The following FCN1 variants were observed in gnomAD, a reference collection of about 807,000 sequenced individuals.
FCN1 encodes ficolin 1.
Under a neutral mutation model 35.6 loss-of-function variants are expected in FCN1, and 42 were observed. That is an observed-to-expected ratio of 1.18 (90% CI 0.92 to 1.53). FCN1 has a LOEUF of 1.53. Among genes scored for constraint, FCN1 ranks in the 40% most tolerant of loss-of-function variants. The pLI is 0.00. For missense variants in FCN1, 439 were observed against 428.4 expected (o/e 1.02, Z -0.22); for synonymous variants, 179 against 169.8 (o/e 1.05, Z -0.42).
intron 5 of FCN1, 51 bp from the exon 6 acceptor site, chr9:134,913,194 C>CA: frequency 6.2e-7 from 1 of 1,609,016 alleles, no homozygotes; most frequent in Non-Finnish European, 8.5e-7. Context: ...CTGGGCAGGA[C>CA]AGGGGCAGTG....
chr9:134,911,314 C>T, intron 7 of FCN1, 47 bp from the exon 8 acceptor site: 3 of 1,578,878 alleles, frequency 1.9e-6, no homozygotes, highest in Non-Finnish European at 2.6e-6. Flanking sequence ...ATCTTTCTGT[C>T]ACCAGGCATG....
At position 134,913,153 on chromosome 9, in the gene FCN1, G is replaced by T. The variant is rs886787032; in HGVS notation, c.341-10C>A. 6.2e-7 allele frequency: 1 copy of T among 1,613,416 alleles called. No individual in the cohort carries two copies. The highest frequency in any genetic ancestry group is 1.3e-5 in the African/African-American group (1 of 74,934). On this transcript the variant is annotated splice_polypyrimidine_tract_variant and intron_variant, in intron 5 of 8. Coordinates refer to ENST00000371806, the MANE Select transcript of FCN1 (RefSeq NM_002003.5). The stretch of plus-strand genomic sequence containing the variant: ...TTGCAGTTGCGTGGGCCTGGGAAGG[G>T]AACCCGGGGAATGGCTGCAGGACGG...
rs746839999 is a variant in FCN1, at chr9:134,912,546, C to T, written c.538G>A (p.Gly180Ser). ...AGCCAGAACTCCCCCAGCTGACTGCCGAAGCCCTGCTTGTATGCGGCCCAG... is the reference window on the plus strand; with the variant it reads ...AGCCAGAACTCCCCCAGCTGACTGCTGAAGCCCTGCTTGTATGCGGCCCAG... ...RDWAAYKQGF[G>S]SQLGEFWLGN... The change falls in exon 7 of 9, where the codon GGC becomes AGC. Residue 180 changes from glycine (G) to serine (S), a missense_variant. Gly to Ser is a moderately conservative substitution (Grantham distance 56, BLOSUM62 0). Transcript: ENST00000371806. 7 of 1,613,958 alleles carry T rather than the reference C, an allele frequency of 4.3e-6. No homozygotes were observed. Among genetic ancestry groups the T allele is most frequent in the South Asian group, 3.3e-5 (3 of 91,088 alleles).
chr9:134,917,270 G>A lies in FCN1; in HGVS notation c.103+499C>T, dbSNP rs146530745. Among the ~76,000 whole-genome samples the A allele has an allele frequency of 4.6e-5, 7 of 152,292 alleles. No homozygotes were observed. The East Asian group carries it at 9.7e-4, about 21-fold the overall frequency. On this transcript the variant is annotated intron_variant, in intron 1 of 8. Coordinates refer to ENST00000371806, the MANE Select transcript of FCN1 (RefSeq NM_002003.5). ...GTCCTTAGGAGCAGTCTCTTGCTGA[G>A]CGTCACAGAACCACCTGCTCCTGAA...
intron 5 of FCN1, 112 bp from the exon 6 acceptor site, chr9:134,913,255 G>A (rs1031728730): frequency 7.4e-5 from 105 of 1,415,734 alleles, no homozygotes; most frequent in South Asian, 7.4e-4. Context: ...TGTGCGGACC[G>A]AGCAGGACTC....
chr9:134,911,381 G>C lies in FCN1; in HGVS notation c.599-114C>G. 3 of 910,616 alleles carry C rather than the reference G, an allele frequency of 3.3e-6. No homozygotes were observed. The South Asian group carries it at 4.9e-5, about 15-fold the overall frequency. The allele number at this position is 910,616 out of a possible 1,614,324, so 56.4% of individuals were successfully genotyped here. A position where few individuals can be genotyped will look rare whatever the true frequency, so the allele number is the denominator to read the frequency against. On this transcript the variant is annotated intron_variant, in intron 7 of 8. Coordinates refer to ENST00000371806, the MANE Select transcript of FCN1 (RefSeq NM_002003.5). ...TTTTTTGAGACAGAGTTCCGCTCTT[G>C]TTGCCCAGGCTGGAGTGCAATGGCA... is the stretch of plus-strand genomic sequence containing the variant.
At position 134,916,464 on chromosome 9, in the gene FCN1, G is replaced by C. The variant is rs779867616; in HGVS notation, c.104-3C>G. 3.7e-6 allele frequency: 6 copies of C among 1,613,638 alleles called. No individual in the cohort carries two copies. In the Admixed American group the frequency reaches 5.0e-5, roughly 13 times the overall value. The stretch of plus-strand genomic sequence containing the variant: ...CTCCAGGCCCACCACCTTCACCTCT[G>C]CAGAGAAACACAGGTGCCCACTCAG... On this transcript the variant is annotated splice_region_variant and splice_polypyrimidine_tract_variant and intron_variant, in intron 1 of 8. Transcript: ENST00000371806.
rs1588656890 is a variant in FCN1 at position 134,913,080 on chromosome 9, T to C, written c.404A>G (p.Tyr135Cys). The stretch of plus-strand genomic sequence containing the variant: ...AGTCAGGGGCCGGCAGTCGGGCAGG[T>C]AGATGGTGTGCCAGCCGCTCAGGAA... ...GYFLSGWHTIYLPDCRPLTVL... is the reference protein window; with the variant it reads ...GYFLSGWHTICLPDCRPLTVL... The change falls in exon 6 of 9, where the codon TAC (tyrosine) becomes TGC (cysteine). Residue 135 changes from tyrosine (Y) to cysteine (C), a missense_variant. Physicochemically the swap from Tyr to Cys is radical, Grantham distance 194. Transcript: ENST00000371806. The C allele has an allele frequency of 6.2e-7, 1 of 1,613,342 alleles. No homozygotes were observed. The highest frequency in any genetic ancestry group is 8.5e-7 in the Non-Finnish European group (1 of 1,179,848).
In FCN1 at chr9:134,907,985, GTCT is replaced by G. The variant is rs35259440; in HGVS notation, c.*1810_*1812del. 0.54 allele frequency: 81,632 copies of G among 151,660 alleles called. 22,779 individuals are homozygous for G. The highest frequency in any genetic ancestry group is 0.62 in the Non-Finnish European group (42,373 of 67,858). 9.4% of individuals were successfully genotyped at this position (151,660 alleles called of 1,614,324 possible). ...GGACTGGCAGGTTAGAGGACTGTGTGTCTTCTTCTCCAACAGTTGATGCCAAGC... is the reference window on the plus strand; with the variant it reads ...GGACTGGCAGGTTAGAGGACTGTGTGTCTTCTCCAACAGTTGATGCCAAGC... On this transcript the variant is annotated 3_prime_UTR_variant, in exon 9 of 9. Coordinates refer to ENST00000371806, the MANE Select transcript of FCN1 (RefSeq NM_002003.5).
rs1218966051 is a variant in FCN1 at position 134,903,871 on chromosome 9, A to C, written c.*5927T>G. Among the ~76,000 whole-genome samples the C allele has an allele frequency of 2.0e-5, 3 of 152,248 alleles. No homozygotes were observed. In the East Asian group the frequency reaches 5.8e-4, roughly 29 times the overall value. ...CACTGGCTATTCTATAACTGAAATT[A>C]ATAACTCAATCAATGGTTTTCTATT... On this transcript the variant is annotated 3_prime_UTR_variant, in exon 9 of 9. Transcript: ENST00000371806.
In FCN1 at chr9:134,907,236, T is replaced by G. The variant is rs1384309991; in HGVS notation, c.*2562A>C. The G allele has an allele frequency of 2.0e-5, 3 of 152,172 alleles. No individual in the cohort carries two copies. The highest frequency in any genetic ancestry group is 2.0e-4 in the Admixed American group (3 of 15,262). The allele number at this position is 152,172 out of a possible 1,614,324, so 9.4% of individuals were successfully genotyped here. On this transcript the variant is annotated 3_prime_UTR_variant, in exon 9 of 9. Coordinates refer to ENST00000371806, the MANE Select transcript of FCN1 (RefSeq NM_002003.5). Reference sequence around the variant, plus strand: ...CGAAAGTACTATCCCAATAGTGGATTTTGTGATGGACTAGAGATTGTGGCA... The same window carrying G: ...CGAAAGTACTATCCCAATAGTGGATGTTGTGATGGACTAGAGATTGTGGCA...
At chr9:134,912,779 G>C (rs1274367374) in intron 6 of FCN1, among the ~76,000 whole-genome samples, 164 bp from the exon 7 acceptor site, 2 of 152,154 alleles carry the variant, frequency 1.3e-5, no homozygotes, top group Non-Finnish European at 2.9e-5. Context: ...GGATGAAAGA[G>C]GAAATGCGGT....
At chr9:134,910,127 C>A in intron 8 of FCN1, 82 bp from the exon 9 acceptor site, 1 of 1,277,116 alleles carries the variant, frequency 7.8e-7, no homozygotes. Context: ...TGCCTCTGAG[C>A]AGAGCCAACC....
In FCN1 at chr9:134,916,381, G is replaced by T. The variant is rs755852854; in HGVS notation, c.184C>A (p.Pro62Thr). Residue 62 changes from proline (P) to threonine (T), a missense_variant, in exon 2 of 9, where the codon CCA (proline) becomes ACA (threonine). Physicochemically the swap from Pro to Thr is conservative, Grantham distance 38. Transcript: ENST00000371806. ...GCPGLPGAPG[P>T]KGEAGVIGER... ...CCAATGACACCTGCCTCTCCCTTTG[G>T]CCCTGGGGCCCCGGGCAGCCCCGGG... 6.2e-7 allele frequency: 1 copy of T among 1,614,162 alleles called. No individual in the cohort carries two copies. Among genetic ancestry groups the T allele is most frequent in the South Asian group, 1.1e-5 (1 of 91,086 alleles).
rs1440443247 is a variant in FCN1 at position 134,907,126 on chromosome 9, T to A, written c.*2672A>T. The A allele has an allele frequency of 6.6e-6, 1 of 152,144 alleles. No individual in the cohort carries two copies. The highest frequency in any genetic ancestry group is 1.5e-5 in the Non-Finnish European group (1 of 68,036). The allele number at this position is 152,144 out of a possible 1,614,324, so 9.4% of individuals were successfully genotyped here. A position where few individuals can be genotyped will look rare whatever the true frequency, so the allele number is the denominator to read the frequency against. ...GGCTATTTTATATTTATATTAATCA[T>A]ATTTATATTTTATATTTATACTAAT... On this transcript the variant is annotated 3_prime_UTR_variant, in exon 9 of 9. Coordinates refer to ENST00000371806, the MANE Select transcript of FCN1 (RefSeq NM_002003.5).
chr9:134,906,049 T>G lies in FCN1; in HGVS notation c.*3749A>C, dbSNP rs1245998068. 1 of 153,740 alleles carries G rather than the reference T, an allele frequency of 6.5e-6. No individual in the cohort carries two copies. Among genetic ancestry groups the G allele is most frequent in the African/African-American group, 2.5e-5 (1 of 40,256 alleles). 9.5% of individuals were successfully genotyped at this position (153,740 alleles called of 1,614,324 possible). A position where few individuals can be genotyped will look rare whatever the true frequency, so the allele number is the denominator to read the frequency against. ...CTCTGTTCCCCAGGCTGGAGTGCAG[T>G]GGCACGATCTCAGCTCACTGCAACC... On this transcript the variant is annotated 3_prime_UTR_variant, in exon 9 of 9. Coordinates refer to ENST00000371806, the MANE Select transcript of FCN1 (RefSeq NM_002003.5).
At chr9:134,915,949 A>G (rs1246105617) in intron 2 of FCN1, among the ~76,000 whole-genome samples, 1 of 152,198 alleles carries the variant, frequency 6.6e-6, no homozygotes, top group East Asian at 1.9e-4. Flanking sequence ...GTCAAGTAGG[A>G]AAGCCTGTGA....
chr9:134,913,926 A>G (rs1831059494), intron 4 of FCN1, among the ~76,000 whole-genome samples: 1 of 152,074 alleles, frequency 6.6e-6, no homozygotes, highest in Admixed American at 6.5e-5. Context: ...ATAACTCTTC[A>G]AGCCTGGCAG....
chr9:134,914,637 T>C (rs7042453), intron 3 of FCN1, 119 bp downstream of exon 3: 41,490 of 934,648 alleles, frequency 0.044, 4,115 homozygotes, highest in African/African-American at 0.33. Context: ...CTCTCTCTGT[T>C]GCCGTGTCTC....
Sources: gnomAD v4.1 joint callset for allele counts (sites outside exome capture counted in the v4.1 genomes callset) on GRCh38, gnomAD v4.1.1 for gene constraint, MANE v1.5 for transcripts, NCBI Gene and HGNC (gene_info 2026-07-23, HGNC 2026-07-21) for gene names.